CCNJL: variants seen among roughly 807,000 people sequenced by gnomAD.
CCNJL encodes cyclin J like.
In CCNJL, 33 loss-of-function variants were observed where a neutral mutation model predicts 33.4. The observed-to-expected ratio is 0.99, with a 90% CI of 0.75 to 1.32. CCNJL has a LOEUF of 1.32. Among genes scored for constraint, CCNJL ranks in the 40% most tolerant of loss-of-function variants. The pLI, the probability that CCNJL is intolerant of heterozygous loss-of-function variation, is 0.00. For synonymous variants in CCNJL, 227 were observed against 220.9 expected (o/e 1.03, Z -0.24); for missense variants, 512 against 499.7 (o/e 1.02, Z -0.23).
At chr5:160,274,944 AAAGG>A (rs1761959361) in intron 3 of CCNJL, 1 of 152,380 alleles carries the variant, frequency 6.6e-6, no homozygotes, top group African/African-American at 2.4e-5. Flanking sequence ...GAAGAATGGA[AAAGG>A]AAGGAAGAGA....
intron 1 of CCNJL, among the ~76,000 whole-genome samples, chr5:160,319,972 A>G (rs1763420751): frequency 6.6e-6 from 1 of 152,150 alleles, no homozygotes; most frequent in South Asian, 2.1e-4. Flanking sequence ...GATAACATGG[A>G]TAGCGGAGCT....
intron 1 of CCNJL, among the ~76,000 whole-genome samples, chr5:160,319,504 C>T (rs1763415218): frequency 6.6e-6 from 1 of 152,182 alleles, no homozygotes. Context: ...TCTGTTCTCC[C>T]ACACCTGCAT....
chr5:160,253,589 G>C lies in CCNJL; in HGVS notation c.953C>G (p.Ser318Ter). ...AYRDSLQAHR[S>*]GSLLSGSTGS... Reference sequence around the variant, plus strand: ...TGTACTCCCCGAGAGCAGGCTCCCTGAACGGTGGGCCTGCAAGGAGTCCCG... The same window carrying C: ...TGTACTCCCCGAGAGCAGGCTCCCTCAACGGTGGGCCTGCAAGGAGTCCCG... Residue 318 changes from serine (S) to a stop codon, truncating the protein, a stop_gained, in exon 6 of 6, where the codon TCA (serine) becomes TGA (stop). Coordinates refer to ENST00000257536, the MANE Select transcript of CCNJL (RefSeq NM_001308173.3). LOFTEE classifies it high-confidence loss of function. 6.2e-7 allele frequency: 1 copy of C among 1,614,028 alleles called. No homozygotes were observed. The highest frequency in any genetic ancestry group is 8.5e-7 in the Non-Finnish European group (1 of 1,179,966).
Position 160,259,460 on chromosome 5 carries a change from A to C in CCNJL, c.583+9T>G, listed in dbSNP as rs1561772550. 6.2e-7 allele frequency: 1 copy of C among 1,603,466 alleles called. No homozygotes were observed. Among genetic ancestry groups the C allele is most frequent in the Admixed American group, 1.7e-5 (1 of 59,626 alleles). On this transcript the variant is annotated intron_variant, in intron 4 of 5. Transcript: ENST00000257536. ...GTGGGAGGTCCTGCCATCGGGTCCCAGCTGTCACCTTGCAGGGTGACCTCT... is the reference window on the plus strand; with the variant it reads ...GTGGGAGGTCCTGCCATCGGGTCCCCGCTGTCACCTTGCAGGGTGACCTCT...
chr5:160,329,658 AC>A (rs1763583033), intron 1 of CCNJL, among the ~76,000 whole-genome samples: 1 of 151,898 alleles, frequency 6.6e-6, no homozygotes, highest in Non-Finnish European at 1.5e-5. Context: ...CTCTTCTTTA[AC>A]CCTCTAAGGA....
chr5:160,255,570 G>A lies in CCNJL; in HGVS notation c.722C>T (p.Thr241Met), dbSNP rs563828375. 3.7e-5 allele frequency: 60 copies of A among 1,614,124 alleles called. No individual in the cohort carries two copies. The highest frequency in any genetic ancestry group is 9.3e-5 in the African/African-American group (7 of 75,064). Residue 241 changes from threonine to methionine, a missense_variant, in exon 5 of 6, where the codon ACG (threonine) becomes ATG (methionine). Transcript: ENST00000257536. ...ISSYSLEHLS[T>M]CIEILLVVYD... ...TTACACCAGCAGGATTTCAATACAC[G>A]TGCTGAGGTGCTCCAGGGAATAGCT...
At chr5:160,309,376 G>A (rs901908128) in intron 2 of CCNJL, among the ~76,000 whole-genome samples, 24 of 152,104 alleles carry the variant, frequency 1.6e-4, no homozygotes, top group Admixed American at 1.5e-3. Context: ...TCTCAACTTC[G>A]CCTCCTGTGT....
intron 3 of CCNJL, among the ~76,000 whole-genome samples, chr5:160,265,852 C>A (rs1460668381): frequency 3.5e-4 from 50 of 144,670 alleles, no homozygotes; most frequent in African/African-American, 1.3e-3. Context: ...GACTCCGTCT[C>A]CAGGGGAAAA....
intron 1 of CCNJL, among the ~76,000 whole-genome samples, chr5:160,328,446 T>A (rs1763566318): frequency 6.6e-6 from 1 of 151,886 alleles, no homozygotes; most frequent in Non-Finnish European, 1.5e-5. Flanking sequence ...ATAGATGATT[T>A]GGGATATGTT....
chr5:160,259,482 C>G lies in CCNJL; in HGVS notation c.570G>C (p.Glu190Asp). ...CLKEYAHYFLEVTLQDHIFYK... is the reference protein window; with the variant it reads ...CLKEYAHYFLDVTLQDHIFYK... Reference sequence around the variant, plus strand: ...CCCAGCTGTCACCTTGCAGGGTGACCTCTAGGAAGTAATGGGCATACTCCT... The same window carrying G: ...CCCAGCTGTCACCTTGCAGGGTGACGTCTAGGAAGTAATGGGCATACTCCT... The change falls in exon 4 of 6, where the codon GAG becomes GAC. Residue 190 changes from glutamate to aspartate, a missense_variant. Glu to Asp is a conservative substitution (Grantham distance 45). Transcript: ENST00000257536. The G allele has an allele frequency of 6.2e-7, 1 of 1,612,706 alleles. No homozygotes were observed. The highest frequency in any genetic ancestry group is 8.5e-7 in the Non-Finnish European group (1 of 1,179,196).
At chr5:160,276,354 G>A (rs1396938428) in intron 3 of CCNJL, 2 of 151,646 alleles carry the variant, frequency 1.3e-5, no homozygotes, top group Non-Finnish European at 1.5e-5. Flanking sequence ...GGTGGAGGTT[G>A]CAATGAGCTG....
At chr5:160,258,553 GAAAGA>G (rs1422929450) in intron 4 of CCNJL, 22 of 1,517,000 alleles carry the variant, frequency 1.5e-5, no homozygotes, top group Admixed American at 3.4e-5. Context: ...GGTTATTCGG[GAAAGA>G]AAAGAAAGAG....
At position 160,253,429 on chromosome 5, in the gene CCNJL, G is replaced by A. The variant is rs756062568; in HGVS notation, c.1113C>T (p.Ser371=). Residue 371 remains serine (S), a synonymous_variant, in exon 6 of 6, where the codon AGC becomes AGT. Transcript: ENST00000257536. The part of the protein sequence containing the change: ...PRHCLATTYG[S]SYFSGSHMFP... ...ACATGTGGCTCCCACTGAAGTAGCTGCTTCCATAGGTGGTGGCGAGGCAGT... is the reference window on the plus strand; with the variant it reads ...ACATGTGGCTCCCACTGAAGTAGCTACTTCCATAGGTGGTGGCGAGGCAGT... 2 of 1,607,084 alleles carry A rather than the reference G, an allele frequency of 1.2e-6. No homozygotes were observed. Among genetic ancestry groups the A allele is most frequent in the Admixed American group, 1.7e-5 (1 of 59,692 alleles).
intron 2 of CCNJL, among the ~76,000 whole-genome samples, chr5:160,288,252 C>T (rs6556488): frequency 0.055 from 8,445 of 152,174 alleles, 819 homozygotes; most frequent in African/African-American, 0.19. Flanking sequence ...TGCTTTTCAA[C>T]AGCCTGAATT....
At chr5:160,288,962 T>C (rs1445402083) in intron 2 of CCNJL, among the ~76,000 whole-genome samples, 2 of 151,874 alleles carry the variant, frequency 1.3e-5, no homozygotes, top group South Asian at 2.1e-4. Context: ...TAAAATGCCA[T>C]AGCGATCTAC....
intron 1 of CCNJL, among the ~76,000 whole-genome samples, chr5:160,323,234 C>CAAAA (rs536222136): frequency 1.0e-5 from 1 of 99,074 alleles, no homozygotes; most frequent in Non-Finnish European, 2.2e-5. Flanking sequence ...GACTCCAACT[C>CAAAA]AAAAAAAAAA....
chr5:160,305,847 GA>G (rs1258962494), intron 2 of CCNJL, among the ~76,000 whole-genome samples: 2 of 152,210 alleles, frequency 1.3e-5, no homozygotes, highest in African/African-American at 2.4e-5. Context: ...CACACTGCCT[GA>G]AATCTAGAAA....
upstream of CCNJL, among the ~76,000 whole-genome samples, chr5:160,313,454 A>G (rs1277212417): frequency 6.6e-6 from 1 of 152,238 alleles, no homozygotes; most frequent in Non-Finnish European, 1.5e-5. Flanking sequence ...GATAATCACT[A>G]CACCAGGTAT....
chr5:160,311,542 C>A (rs1763259551), intron 2 of CCNJL, among the ~76,000 whole-genome samples: 1 of 152,198 alleles, frequency 6.6e-6, no homozygotes, highest in Non-Finnish European at 1.5e-5. Flanking sequence ...AAGACCCCTT[C>A]ACGTACGGTT....
Sources: allele counts gnomAD v4.1 joint callset (sites outside exome capture counted in the v4.1 genomes callset), GRCh38; gene constraint gnomAD v4.1.1; transcripts MANE v1.5; gene names NCBI Gene and HGNC (gene_info 2026-07-23, HGNC 2026-07-21).